The following DYNC2I1 variants were observed in gnomAD, a reference collection of about 807,000 sequenced individuals.
DYNC2I1 encodes the protein cytoplasmic dynein 2 intermediate chain 1.
In DYNC2I1, 89 loss-of-function variants were observed where a neutral mutation model predicts 133.4. That is an observed-to-expected ratio of 0.67 (90% CI 0.56 to 0.80). The LOEUF is 0.80. Ranked by LOEUF, DYNC2I1 falls within the 30% of genes least tolerant of loss-of-function variation. The pLI is 0.00. For missense variants in DYNC2I1, 1,291 were observed against 1,314.5 expected (o/e 0.98, Z 0.28); for synonymous variants, 504 against 484.3 (o/e 1.04, Z -0.54).
At chr7:158,885,243 A>G (rs919001460) in intron 6 of DYNC2I1, among the ~76,000 whole-genome samples, 2 of 151,302 alleles carry the variant, frequency 1.3e-5, no homozygotes, top group East Asian at 1.9e-4. Context: ...TTTCCTGTCT[A>G]CCTCTTAGTT....
intron 4 of DYNC2I1, among the ~76,000 whole-genome samples, chr7:158,953,000 TCCCACCTGTGCAATGCCAG>T (rs1852100799): frequency 6.6e-6 from 1 of 152,136 alleles, no homozygotes; most frequent in South Asian, 2.1e-4. Context: ...CCCCCATCCT[TCCCACCTGTGCAATGCCAG>T]CCCAGGTGGC....
intron 24 of DYNC2I1, among the ~76,000 whole-genome samples, chr7:158,944,522 T>C (rs1851687733): frequency 6.6e-6 from 1 of 152,206 alleles, no homozygotes; most frequent in African/African-American, 2.4e-5. Context: ...AATAGCAGTT[T>C]TAAAGTATCC....
In DYNC2I1 at chr7:158,945,558, T is replaced by A. The variant is rs1247071369; in HGVS notation, c.3003-23T>A. The A allele has an allele frequency of 6.3e-7, 1 of 1,586,232 alleles. No individual in the cohort carries two copies. Among genetic ancestry groups the A allele is most frequent in the Non-Finnish European group, 8.6e-7 (1 of 1,166,868 alleles). On this transcript the variant is annotated intron_variant, in intron 24 of 24. Transcript: ENST00000407559. The surrounding 1 kb of genome is among the most constrained non-coding windows in gnomAD (Gnocchi z 4.1). ...TGTCCCTTTGTGTGCACTGACCCTC[T>A]GCTTCTGCCCCTCTCCCTGCAGGCT... is the stretch of plus-strand genomic sequence containing the variant.
chr7:158,932,602 G>A (rs1236380009), intron 21 of DYNC2I1, among the ~76,000 whole-genome samples: 1 of 152,174 alleles, frequency 6.6e-6, no homozygotes, highest in African/African-American at 2.4e-5. Context: ...AAGGTGGTCA[G>A]GAGCCATTGC....
chr7:158,859,795 C>T (rs1841711697), intron 1 of DYNC2I1, among the ~76,000 whole-genome samples: 1 of 152,114 alleles, frequency 6.6e-6, no homozygotes, highest in Non-Finnish European at 1.5e-5. Flanking sequence ...AGTAAATAAA[C>T]ATTTTTAAAG....
upstream of DYNC2I1, among the ~76,000 whole-genome samples, chr7:158,853,271 G>T (rs1219892762): frequency 1.3e-5 from 2 of 152,138 alleles, no homozygotes; most frequent in African/African-American, 4.8e-5. Context: ...TTGGCCAAGG[G>T]CATTCCAAAC....
chr7:158,856,730 G>A lies in DYNC2I1; in HGVS notation c.-6G>A. On this transcript the variant is annotated 5_prime_UTR_variant, in exon 1 of 25. Coordinates refer to ENST00000407559, the MANE Select transcript of DYNC2I1 (RefSeq NM_018051.5). ...ACACCGCGGCCGCCCGGGCCTGCGG[G>A]AAGCGATGGAGCCCGGGAAGGTCGG... 8.1e-7 allele frequency: 1 copy of A among 1,234,614 alleles called. No individual in the cohort carries two copies. Among genetic ancestry groups the A allele is most frequent in the East Asian group, 3.2e-5 (1 of 31,634 alleles). The allele number at this position is 1,234,614 out of a possible 1,614,324, so 76.5% of individuals were successfully genotyped here.
chr7:158,923,591 C>A lies in DYNC2I1; in HGVS notation c.2115C>A (p.Ser705Arg). The stretch of plus-strand genomic sequence containing the variant: ...TTTAGGTCACGTGTTGCTGCTTGAG[C>A]CCTTTGAAAGCATTTTTACTGTTTG... ...CESQVTCCCL[S>R]PLKAFLLFAG... Residue 705 changes from serine (S) to arginine (R), a missense_variant, in exon 17 of 25, where the codon AGC (serine) becomes AGA (arginine). Transcript: ENST00000407559. 6.2e-7 allele frequency: 1 copy of A among 1,613,994 alleles called. No individual in the cohort carries two copies.
chr7:158,953,298 T>C (rs112454685), intron 4 of DYNC2I1, among the ~76,000 whole-genome samples: 179 of 145,450 alleles, frequency 1.2e-3, no homozygotes, highest in African/African-American at 3.1e-3. Flanking sequence ...CATGTGGCTG[T>C]TCCTACCCTC....
chr7:158,937,008 C>G (rs1379017077), intron 23 of DYNC2I1, among the ~76,000 whole-genome samples: 2 of 152,148 alleles, frequency 1.3e-5, no homozygotes, highest in African/African-American at 4.8e-5. Flanking sequence ...GAAACAGCAG[C>G]AAACAGGGAA....
intron 19 of DYNC2I1, among the ~76,000 whole-genome samples, 186 bp downstream of exon 19, chr7:158,926,649 T>C (rs1277461916): frequency 6.6e-6 from 1 of 152,224 alleles, no homozygotes; most frequent in African/African-American, 2.4e-5. Flanking sequence ...TGGGGCCCTT[T>C]CGTGACAGTG....
intron 1 of DYNC2I1, among the ~76,000 whole-genome samples, chr7:158,865,874 T>C (rs1842359073): frequency 6.6e-6 from 1 of 152,162 alleles, no homozygotes; most frequent in African/African-American, 2.4e-5. Context: ...AAATCACTGT[T>C]GAACAGTTTG....
chr7:158,898,214 T>C (rs1189063091), intron 8 of DYNC2I1, among the ~76,000 whole-genome samples: 2 of 152,230 alleles, frequency 1.3e-5, no homozygotes, highest in Non-Finnish European at 2.9e-5. Context: ...ATTCTGCTGT[T>C]GTTGGGTGAA....
chr7:158,950,059 C>A (rs991393422), downstream of DYNC2I1, among the ~76,000 whole-genome samples: 2 of 152,168 alleles, frequency 1.3e-5, no homozygotes, highest in Admixed American at 6.5e-5. Flanking sequence ...GCATGAGCCA[C>A]CGTGCCCAGC....
chr7:158,857,073 G>T (rs1046317956), intron 1 of DYNC2I1, among the ~76,000 whole-genome samples: 4 of 152,150 alleles, frequency 2.6e-5, no homozygotes, highest in Non-Finnish European at 5.9e-5. Flanking sequence ...GGGCCGGGGT[G>T]GCTGAGGAGA....
chr7:158,924,936 A>G (rs911284151), intron 17 of DYNC2I1, among the ~76,000 whole-genome samples: 2 of 152,176 alleles, frequency 1.3e-5, no homozygotes, highest in African/African-American at 4.8e-5. Context: ...CTGTATTTTT[A>G]GTAGAGACGG....
the DYNC2I1 span, among the ~76,000 whole-genome samples, chr7:158,846,392 T>A: frequency 6.6e-6 from 1 of 152,180 alleles, no homozygotes; most frequent in African/African-American, 2.4e-5. Context: ...AAAGAGAATC[T>A]TATATGGTGA....
At chr7:158,887,849 G>A (rs1331657616) in intron 7 of DYNC2I1, among the ~76,000 whole-genome samples, 1 of 152,134 alleles carries the variant, frequency 6.6e-6, no homozygotes, top group Non-Finnish European at 1.5e-5. Context: ...TTTATGCACA[G>A]GGAGAATTGT....
chr7:158,901,447 A>C (rs905719574), intron 8 of DYNC2I1, among the ~76,000 whole-genome samples: 2 of 152,190 alleles, frequency 1.3e-5, no homozygotes, highest in Non-Finnish European at 2.9e-5. Flanking sequence ...TAAGAAATGG[A>C]TTGCTGCACA....
Sources: allele counts gnomAD v4.1 joint callset (sites outside exome capture counted in the v4.1 genomes callset), GRCh38; gene constraint gnomAD v4.1.1; non-coding constraint Gnocchi (gnomAD v3.1); transcripts MANE v1.5; gene names NCBI Gene and HGNC (gene_info 2026-07-23, HGNC 2026-07-21).